Variants in ADAMTS20 observed in about 807,000 individuals in gnomAD.
ADAMTS20 encodes the protein A disintegrin and metalloproteinase with thrombospondin motifs 20.
A neutral mutation model predicts 260.1 loss-of-function variants in ADAMTS20; 225 were observed. The ratio of observed to expected loss-of-function variants is 0.87; its 90% CI spans 0.78 to 0.97. The LOEUF is 0.97. Among genes scored for constraint, ADAMTS20 ranks in the 50% least tolerant of loss-of-function variants. The pLI, the probability that ADAMTS20 is intolerant of heterozygous loss-of-function variation, is 0.00. For missense variants in ADAMTS20, 2,400 were observed against 2,337.7 expected, an observed-to-expected ratio of 1.03 and a Z score of -0.55; for synonymous variants, 802 against 769.5, an observed-to-expected ratio of 1.04 and a Z score of -0.70.
intron 2 of ADAMTS20, among the ~76,000 whole-genome samples, chr12:43,543,780 A>G (rs1295027120): frequency 6.6e-6 from 1 of 152,074 alleles, no homozygotes; most frequent in African/African-American, 2.4e-5. Flanking sequence ...CTCATTTTCC[A>G]GTCTTTTTTA....
At chr12:43,466,212 C>G (rs1942149134) in intron 9 of ADAMTS20, among the ~76,000 whole-genome samples, 1 of 151,970 alleles carries the variant, frequency 6.6e-6, no homozygotes, top group Admixed American at 6.6e-5. Context: ...AGAGAACTAA[C>G]AGAATAATTC....
chr12:43,447,906 ATAAGATACC>A (rs1941792373), intron 14 of ADAMTS20, among the ~76,000 whole-genome samples: 1 of 152,120 alleles, frequency 6.6e-6, no homozygotes, highest in Admixed American at 6.6e-5. Context: ...CACCAAACGA[ATAAGATACC>A]TAGGAATACA....
At chr12:43,432,852 T>A in intron 19 of ADAMTS20, 41 bp from the exon 20 acceptor site, 3 of 1,508,428 alleles carry the variant, frequency 2.0e-6, no homozygotes, top group South Asian at 1.1e-5. Context: ...GTATATTACA[T>A]AATTTAAAAA....
intron 3 of ADAMTS20, among the ~76,000 whole-genome samples, chr12:43,504,077 A>G (rs763100038): frequency 1.3e-5 from 2 of 152,150 alleles, no homozygotes; most frequent in Non-Finnish European, 2.9e-5. Context: ...TATATGCCCA[A>G]TAATGGGGTT....
chr12:43,536,127 C>G (rs1307429488), intron 2 of ADAMTS20, among the ~76,000 whole-genome samples: 2 of 151,858 alleles, frequency 1.3e-5, no homozygotes, highest in African/African-American at 4.8e-5. Context: ...TCTTTTCCAC[C>G]TAATAATAAT....
At chr12:43,532,286 G>C (rs2137504562) in intron 2 of ADAMTS20, 91 bp from the exon 3 acceptor site, 1 of 1,130,492 alleles carries the variant, frequency 8.8e-7, no homozygotes, top group Non-Finnish European at 1.2e-6. Flanking sequence ...GCAGACAGAA[G>C]CAAAACAGCA....
intron 19 of ADAMTS20, chr12:43,433,707 C>A (rs1592066417): frequency 2.9e-3 from 2 of 684 alleles, no homozygotes; most frequent in South Asian, 0.026. Flanking sequence ...CACACAAACA[C>A]ACACACACAC....
At position 43,516,526 on chromosome 12, in the gene ADAMTS20, C is replaced by T. The variant is rs145683333; in HGVS notation, c.614-14121G>A. Among the ~76,000 whole-genome samples the T allele has an allele frequency of 4.9e-4, 74 of 152,306 alleles. 2 individuals are homozygous for T. The highest frequency in any genetic ancestry group is 1.6e-3 in the African/African-American group (68 of 41,564). ...AGCTACAGGGCTGATTAGTGATCTA[C>T]TATTTTAGATAGAAAAAGTTGTATA... On this transcript the variant is annotated intron_variant, in intron 3 of 38. Coordinates refer to ENST00000389420, the MANE Select transcript of ADAMTS20 (RefSeq NM_025003.5).
Position 43,421,283 on chromosome 12 carries a change from A to AC in ADAMTS20, c.4284+4230_4284+4231insG, listed in dbSNP as rs1555176941. 8.8e-3 allele frequency among the ~76,000 whole-genome samples: 195 copies of AC among 22,064 alleles called. No homozygotes were observed. The East Asian group carries it at 0.26, about 30-fold the overall frequency. 14.5% of individuals were successfully genotyped at this position (22,064 alleles called of 152,430 possible). ...GTTCAAGTAGCAAGCTTTCATTTAC[A>AC]AAAAAAAAAAAAAAACTTTCTCTTT... On this transcript the variant is annotated intron_variant, in intron 28 of 38. Transcript: ENST00000389420.
chr12:43,509,109 G>A (rs1037070188), intron 3 of ADAMTS20, among the ~76,000 whole-genome samples: 2 of 152,074 alleles, frequency 1.3e-5, no homozygotes, highest in African/African-American at 4.8e-5. Context: ...TGGCTGCATA[G>A]TAGTCCATGG....
At chr12:43,544,473 A>G (rs909152026) in intron 2 of ADAMTS20, among the ~76,000 whole-genome samples, 1 of 152,238 alleles carries the variant, frequency 6.6e-6, no homozygotes, top group African/African-American at 2.4e-5. Context: ...TAAATGAAAT[A>G]GAAATGCAGA....
chr12:43,467,332 T>C (rs1347227346), intron 8 of ADAMTS20, among the ~76,000 whole-genome samples: 1 of 151,994 alleles, frequency 6.6e-6, no homozygotes, highest in East Asian at 1.9e-4. Flanking sequence ...AAAACATTCC[T>C]AAAGGGCAGT....
chr12:43,396,424 C>G (rs1034629248), intron 29 of ADAMTS20, among the ~76,000 whole-genome samples: 1 of 152,082 alleles, frequency 6.6e-6, no homozygotes, highest in African/African-American at 2.4e-5. Context: ...TTGTAACTAC[C>G]TCTGAAATTA....
intron 7 of ADAMTS20, among the ~76,000 whole-genome samples, chr12:43,471,336 C>T (rs1326637153): frequency 2.1e-4 from 32 of 149,220 alleles, no homozygotes; most frequent in South Asian, 1.1e-3. Flanking sequence ...GAGGGTCCTA[C>T]GCCCACGGAG....
rs371102650 is a variant in ADAMTS20 at position 43,453,923 on chromosome 12, G to A, written c.1744C>T (p.Arg582Cys). The A allele has an allele frequency of 2.9e-5, 47 of 1,606,224 alleles. No individual in the cohort carries two copies. The highest frequency in any genetic ancestry group is 1.6e-4 in the Middle Eastern group (1 of 6,074). Residue 582 changes from arginine to cysteine, a missense_variant, in exon 12 of 39, where the codon CGC (arginine) becomes TGC (cysteine). Physicochemically the swap from Arg to Cys is radical, Grantham distance 180. Coordinates refer to ENST00000389420, the MANE Select transcript of ADAMTS20 (RefSeq NM_025003.5). The part of the protein sequence containing the change: ...CGGGIESATR[R>C]CNRPEPRNGG... ...AAGACATACTCAGGACGATTACAGC[G>A]CCTGGTTGCACTTTCGATTCCGCCT...
At chr12:43,465,977 T>G (rs959186583) in intron 9 of ADAMTS20, among the ~76,000 whole-genome samples, 2 of 152,062 alleles carry the variant, frequency 1.3e-5, no homozygotes, top group Non-Finnish European at 2.9e-5. Flanking sequence ...AGTGTTACAT[T>G]TATACAAAAA....
intron 7 of ADAMTS20, among the ~76,000 whole-genome samples, chr12:43,484,118 A>T (rs919384944): frequency 2.0e-5 from 3 of 152,192 alleles, no homozygotes; most frequent in Non-Finnish European, 4.4e-5. Context: ...AGGTGACAAT[A>T]AACTATAAAC....
chr12:43,376,395 T>A, intron 33 of ADAMTS20, 65 bp from the exon 34 acceptor site: 1 of 1,367,450 alleles, frequency 7.3e-7, no homozygotes, highest in Middle Eastern at 2.3e-4. Flanking sequence ...AACTTAATCA[T>A]AGAAATATTG....
At chr12:43,402,675 T>C (rs1041884179) in intron 28 of ADAMTS20, among the ~76,000 whole-genome samples, 1 of 152,104 alleles carries the variant, frequency 6.6e-6, no homozygotes, top group African/African-American at 2.4e-5. Flanking sequence ...GGTAGGAATA[T>C]TCAAACATGC....
Sources: gnomAD v4.1 joint callset for allele counts (sites outside exome capture counted in the v4.1 genomes callset) on GRCh38, gnomAD v4.1.1 for gene constraint, MANE v1.5 for transcripts, NCBI Gene and HGNC (gene_info 2026-07-23, HGNC 2026-07-21) for gene names.